CORO7: variants seen among roughly 807,000 people sequenced by gnomAD.
CORO7 encodes the protein coronin-7.
A neutral mutation model predicts 126.6 loss-of-function variants in CORO7; 107 were observed. The observed-to-expected ratio is 0.85, with a 90% CI of 0.72 to 0.99. The LOEUF (loss-of-function observed/expected upper bound fraction) is 0.99, where lower values mean the gene tolerates loss of function less well. Ranked by LOEUF, CORO7 falls within the 50% of genes least tolerant of loss-of-function variation. The pLI is 0.00. For missense variants in CORO7, 1,314 were observed against 1,255.8 expected, an observed-to-expected ratio of 1.05 and a Z score of -0.70; for synonymous variants, 603 against 536.8, an observed-to-expected ratio of 1.12 and a Z score of -1.70.
intron 6 of CORO7, among the ~76,000 whole-genome samples, chr16:4,399,024 G>C (rs917884309): frequency 6.6e-6 from 1 of 151,426 alleles, no homozygotes; most frequent in African/African-American, 2.4e-5. Flanking sequence ...TAGAACCCTT[G>C]CACACTGTTG....
At chr16:4,398,765 C>T (rs953706325) in intron 6 of CORO7, among the ~76,000 whole-genome samples, 3 of 151,436 alleles carry the variant, frequency 2.0e-5, no homozygotes, top group African/African-American at 7.3e-5. Context: ...GTCAGGAGTT[C>T]AAGACCAGTG....
At chr16:4,379,087 G>A (rs1158223771) in intron 9 of CORO7, among the ~76,000 whole-genome samples, 5 of 152,038 alleles carry the variant, frequency 3.3e-5, no homozygotes, top group Admixed American at 2.0e-4. Flanking sequence ...AGGAACCCAC[G>A]TACCTGGGGG....
intron 7 of CORO7, 93 bp downstream of exon 7, chr16:4,395,196 C>G: frequency 6.3e-7 from 1 of 1,582,370 alleles, no homozygotes; most frequent in Non-Finnish European, 8.6e-7. Flanking sequence ...CTGCCAGGAC[C>G]CCAGGCCTGC....
intron 9 of CORO7, chr16:4,381,998 G>T: frequency 6.2e-7 from 1 of 1,606,440 alleles, no homozygotes; most frequent in East Asian, 2.2e-5. Flanking sequence ...TTGTCTTCTA[G>T]CTTGGCTCCT....
rs117228336 is a variant in CORO7 at position 4,373,703 on chromosome 16, A to T, written c.786-8158T>A. 2.7e-3 allele frequency among the ~76,000 whole-genome samples: 412 copies of T among 152,274 alleles called. 1 individual carries two copies. Among genetic ancestry groups the T allele is most frequent in the Non-Finnish European group, 4.6e-3 (315 of 67,984 alleles). On this transcript the variant is annotated intron_variant, in intron 9 of 27. Transcript: ENST00000251166. ...AGCTGGGACAAGTCCCAAGTACAGAAAATTAAGTCCTTGCCTGGGCTTATA... is the reference window on the plus strand; with the variant it reads ...AGCTGGGACAAGTCCCAAGTACAGATAATTAAGTCCTTGCCTGGGCTTATA...
rs779769850 is a variant in CORO7 at position 4,364,391 on chromosome 16, G to A, written c.1160C>T (p.Pro387Leu). 2 of 1,511,100 alleles carry A rather than the reference G, an allele frequency of 1.3e-6. No individual in the cohort carries two copies. The highest frequency in any genetic ancestry group is 2.8e-5 in the African/African-American group (2 of 71,844). The allele number at this position is 1,511,100 out of a possible 1,614,324, so 93.6% of individuals were successfully genotyped here. A position where few individuals can be genotyped will look rare whatever the true frequency, so the allele number is the denominator to read the frequency against. ...GAAGCTCGGGTGGGGCCGGCAGGCGGGGTTGAGGCTGACCTTCTGCACCTG... is the reference window on the plus strand; with the variant it reads ...GAAGCTCGGGTGGGGCCGGCAGGCGAGGTTGAGGCTGACCTTCTGCACCTG... ...NQQVQKVSLNPACRPHPSFTS... is the reference protein window; with the variant it reads ...NQQVQKVSLNLACRPHPSFTS... The change falls in exon 14 of 28, where the codon CCC becomes CTC. Residue 387 changes from proline (P) to leucine (L), a missense_variant. By Grantham distance (98) the Pro-to-Leu change is moderately conservative (BLOSUM62 -3). Coordinates refer to ENST00000251166, the MANE Select transcript of CORO7 (RefSeq NM_024535.5).
intron 6 of CORO7, among the ~76,000 whole-genome samples, chr16:4,403,697 C>T (rs1040719992): frequency 1.3e-5 from 2 of 152,194 alleles, no homozygotes; most frequent in African/African-American, 4.8e-5. Flanking sequence ...CACTGTCCTT[C>T]CCTACACAAC....
intron 9 of CORO7, chr16:4,382,665 C>T: frequency 6.4e-7 from 1 of 1,551,288 alleles, no homozygotes; most frequent in South Asian, 1.2e-5. Context: ...TGGGGGCAGC[C>T]TACTGTGTGC....
At chr16:4,361,616 C>A in intron 16 of CORO7, 147 bp from the exon 17 acceptor site, 1 of 996,542 alleles carries the variant, frequency 1.0e-6, no homozygotes, top group Non-Finnish European at 1.5e-6. Context: ...CTGCCCTGAC[C>A]ACCTTGCGCT....
At chr16:4,381,155 G>T in intron 9 of CORO7, 5 of 1,611,242 alleles carry the variant, frequency 3.1e-6, no homozygotes, top group Non-Finnish European at 4.2e-6. Context: ...AGCCTGCCCA[G>T]CGGGGTCTTC....
intron 7 of CORO7, among the ~76,000 whole-genome samples, chr16:4,391,731 C>T (rs1356887431): frequency 1.3e-5 from 2 of 152,218 alleles, no homozygotes; most frequent in Non-Finnish European, 2.9e-5. Context: ...ACCCGTTTGC[C>T]AGCCTCAGCA....
intron 21 of CORO7, 132 bp downstream of exon 21, chr16:4,360,146 T>C: frequency 8.7e-7 from 1 of 1,147,396 alleles, no homozygotes; most frequent in Non-Finnish European, 1.3e-6. Context: ...CATCCAATCA[T>C]CTACCCACCC....
chr16:4,397,771 G>A (rs2055653594), intron 6 of CORO7, among the ~76,000 whole-genome samples: 1 of 151,962 alleles, frequency 6.6e-6, no homozygotes, highest in Non-Finnish European at 1.5e-5. Flanking sequence ...ACGCCACCAC[G>A]CCAGGCTAAT....
At position 4,364,697 on chromosome 16, in the gene CORO7, C is replaced by T. The variant is rs199743258; in HGVS notation, c.1045-8G>A. The T allele has an allele frequency of 7.6e-6, 12 of 1,584,904 alleles. No homozygotes were observed. The highest frequency in any genetic ancestry group is 1.8e-5 in the Admixed American group (1 of 55,650). On this transcript the variant is annotated splice_polypyrimidine_tract_variant and splice_region_variant and intron_variant, in intron 12 of 27. Coordinates refer to ENST00000251166, the MANE Select transcript of CORO7 (RefSeq NM_024535.5). ...CTCGTGGAACTCCACAGCCTGGCCG[C>T]AGACAAGCAGGCAGCTAGTGAGGCC...
intron 9 of CORO7, among the ~76,000 whole-genome samples, chr16:4,387,341 C>G (rs2055227621): frequency 6.6e-6 from 1 of 152,164 alleles, no homozygotes; most frequent in Admixed American, 6.5e-5. Flanking sequence ...CCCCGCCAGG[C>G]ACTGCCAAAA....
intron 9 of CORO7, chr16:4,387,723 C>G: frequency 1.8e-6 from 1 of 564,390 alleles, no homozygotes; most frequent in Non-Finnish European, 3.2e-6. Flanking sequence ...CTGTGTCAAC[C>G]CCCAGCCATG....
chr16:4,385,868 A>C (rs1309031315), intron 9 of CORO7, among the ~76,000 whole-genome samples: 1 of 152,260 alleles, frequency 6.6e-6, no homozygotes, highest in Non-Finnish European at 1.5e-5. Context: ...GTTCTGCCCA[A>C]GCCAAGATGG....
At position 4,396,867 on chromosome 16, in the gene CORO7, T is replaced by A. The variant is rs144303291; in HGVS notation, c.565-1528A>T. On this transcript the variant is annotated intron_variant, in intron 6 of 27. Transcript: ENST00000251166. ...CCCGTTTCTACTGAAAATAAAAAAA[T>A]TAGCCGGGCATGGTGGCAGGCACCT... 1.1e-3 allele frequency among the ~76,000 whole-genome samples: 170 copies of A among 151,558 alleles called. 1 individual carries two copies. Among genetic ancestry groups the A allele is most frequent in the African/African-American group, 4.0e-3 (166 of 41,316 alleles).
intron 6 of CORO7, among the ~76,000 whole-genome samples, chr16:4,402,878 G>A (rs1389495229): frequency 2.0e-5 from 3 of 152,172 alleles, no homozygotes; most frequent in Non-Finnish European, 4.4e-5. Context: ...CTCCCAGCTC[G>A]GGAGGCCCCT....
Sources: allele counts gnomAD v4.1 joint callset (sites outside exome capture counted in the v4.1 genomes callset), GRCh38; gene constraint gnomAD v4.1.1; transcripts MANE v1.5; gene names NCBI Gene and HGNC (gene_info 2026-07-23, HGNC 2026-07-21).